Variants in ESRRG observed in about 807,000 individuals in gnomAD.
ESRRG encodes the protein estrogen related receptor gamma.
A neutral mutation model predicts 44.0 loss-of-function variants in ESRRG; 13 were observed. The ratio of observed to expected loss-of-function variants is 0.30; its 90% confidence interval spans 0.19 to 0.47. ESRRG has a LOEUF of 0.47. Ranked by LOEUF, ESRRG falls within the 20% of genes least tolerant of loss-of-function variation. The probability of loss-of-function intolerance (pLI) is 1.00; values close to 1 mark genes in which losing one functional copy is unlikely to be tolerated. For synonymous variants in ESRRG, 215 were observed against 214.6 expected (o/e 1.00, Z -0.02); for missense variants, 395 against 580.6 (o/e 0.68, Z 3.29).
intron 1 of ESRRG, among the ~76,000 whole-genome samples, chr1:216,996,004 TA>T (rs2076329232): frequency 6.6e-6 from 1 of 152,058 alleles, no homozygotes; most frequent in African/African-American, 2.4e-5. Flanking sequence ...GAAAATCAAG[TA>T]ATAACCTTTG....
intron 3 of ESRRG, among the ~76,000 whole-genome samples, chr1:216,619,106 T>G (rs951578079): frequency 6.6e-6 from 1 of 152,252 alleles, no homozygotes; most frequent in African/African-American, 2.4e-5. Context: ...CCTTGTTTAA[T>G]GCATTTACAA....
At position 216,839,275 on chromosome 1, in the gene ESRRG, G is replaced by T. The variant is rs559573403; in HGVS notation, c.-14+100307C>A. ...ATTCAAATTTTATCATGAGATTTCA[G>T]CCATTCAGTTGCATCTTCAGGCTCC... On this transcript the variant is annotated intron_variant, in intron 2 of 7. Transcript: ENST00000359162. 6.6e-5 allele frequency among the ~76,000 whole-genome samples: 10 copies of T among 152,212 alleles called. No individual in the cohort carries two copies. The East Asian group carries it at 1.9e-3, about 29-fold the overall frequency.
chr1:216,784,192 C>G (rs2094038673), intron 2 of ESRRG, among the ~76,000 whole-genome samples: 1 of 151,666 alleles, frequency 6.6e-6, no homozygotes, highest in African/African-American at 2.4e-5. Context: ...TTCCTATATC[C>G]AATGCTTAGT....
At chr1:217,005,928 C>T (rs942053986) in intron 1 of ESRRG, among the ~76,000 whole-genome samples, 7 of 152,050 alleles carry the variant, frequency 4.6e-5, no homozygotes, top group African/African-American at 9.7e-5. Context: ...GATATTTTAT[C>T]CCAACTATGT....
At chr1:216,968,193 T>C (rs1189372695) in intron 1 of ESRRG, among the ~76,000 whole-genome samples, 1 of 152,196 alleles carries the variant, frequency 6.6e-6, no homozygotes, top group African/African-American at 2.4e-5. Context: ...TGGCTTGTTT[T>C]CTCATTCCCT....
intron 1 of ESRRG, among the ~76,000 whole-genome samples, chr1:217,024,557 A>G (rs2080898451): frequency 6.6e-6 from 1 of 152,114 alleles, no homozygotes; most frequent in African/African-American, 2.4e-5. Context: ...AGACATGAGC[A>G]TCATTCAAAA....
At chr1:216,682,449 T>C (rs942070644) in intron 1 of ESRRG, among the ~76,000 whole-genome samples, 5 of 152,158 alleles carry the variant, frequency 3.3e-5, no homozygotes, top group Non-Finnish European at 4.4e-5. Flanking sequence ...TGTTTTTGTA[T>C]AAGGACACAA....
intron 1 of ESRRG, among the ~76,000 whole-genome samples, chr1:217,026,504 C>T (rs1211704484): frequency 6.6e-6 from 1 of 152,126 alleles, no homozygotes; most frequent in Non-Finnish European, 1.5e-5. Flanking sequence ...CAGGTGAGGG[C>T]TCCAGCTTAC....
At chr1:216,629,202 T>C (rs910664121) in intron 3 of ESRRG, among the ~76,000 whole-genome samples, 1 of 152,208 alleles carries the variant, frequency 6.6e-6, no homozygotes, top group Non-Finnish European at 1.5e-5. Context: ...ATGGTCAATA[T>C]ATCTTTGCTA....
intron 3 of ESRRG, among the ~76,000 whole-genome samples, chr1:216,629,011 G>A (rs17671115): frequency 0.17 from 25,468 of 152,042 alleles, 2,386 homozygotes; most frequent in Middle Eastern, 0.27. Flanking sequence ...CACCCTTCAC[G>A]AGTTAATGTC....
chr1:216,928,583 T>C (rs548100787), intron 2 of ESRRG, among the ~76,000 whole-genome samples: 1 of 152,296 alleles, frequency 6.6e-6, no homozygotes, highest in South Asian at 2.1e-4. Flanking sequence ...CTTCCATCTA[T>C]CCTTTCCTTC....
intron 1 of ESRRG, among the ~76,000 whole-genome samples, chr1:216,954,232 A>C (rs2067513385): frequency 6.6e-6 from 1 of 152,120 alleles, no homozygotes; most frequent in Non-Finnish European, 1.5e-5. Flanking sequence ...CCATGGATAA[A>C]AAAATGCTAT....
chr1:217,104,600 G>A (rs1202647221), intron 1 of ESRRG, among the ~76,000 whole-genome samples: 1 of 152,136 alleles, frequency 6.6e-6, no homozygotes, highest in Non-Finnish European at 1.5e-5. Flanking sequence ...GGGTAAATGA[G>A]AGTGAGATAT....
chr1:216,967,433 C>T (rs548287447), intron 1 of ESRRG, among the ~76,000 whole-genome samples: 1 of 152,278 alleles, frequency 6.6e-6, no homozygotes, highest in African/African-American at 2.4e-5. Flanking sequence ...TCTTTTTTTA[C>T]TGTCTCCATA....
chr1:216,974,803 A>C (rs2576207), intron 1 of ESRRG, among the ~76,000 whole-genome samples: 73,909 of 151,250 alleles, frequency 0.49, 19,822 homozygotes, highest in East Asian at 0.73. Flanking sequence ...CCACCCCCAG[A>C]CTTTTCTCTC....
At chr1:216,685,928 G>A (rs2077860945) in intron 1 of ESRRG, among the ~76,000 whole-genome samples, 1 of 152,184 alleles carries the variant, frequency 6.6e-6, no homozygotes, top group African/African-American at 2.4e-5. Context: ...GAATCACAGT[G>A]TTGAGAAAAT....
chr1:216,558,123 C>T (rs1329203590), intron 5 of ESRRG, among the ~76,000 whole-genome samples: 1 of 152,148 alleles, frequency 6.6e-6, no homozygotes, highest in Non-Finnish European at 1.5e-5. Flanking sequence ...TGGCTTGTCT[C>T]TTGAACTAGA....
intron 1 of ESRRG, among the ~76,000 whole-genome samples, chr1:216,941,488 A>G (rs1395699648): frequency 6.6e-6 from 1 of 152,198 alleles, no homozygotes; most frequent in African/African-American, 2.4e-5. Context: ...TTAATGTTAA[A>G]ACAATGGTTT....
At chr1:216,842,297 T>C (rs1421999050) in intron 2 of ESRRG, among the ~76,000 whole-genome samples, 2 of 152,150 alleles carry the variant, frequency 1.3e-5, no homozygotes, top group Non-Finnish European at 2.9e-5. Flanking sequence ...CCCTGGTTCG[T>C]AGTTCAGAAA....
Sources: allele counts gnomAD v4.1 joint callset (sites outside exome capture counted in the v4.1 genomes callset), GRCh38; gene constraint gnomAD v4.1.1; transcripts MANE v1.5; gene names NCBI Gene and HGNC (gene_info 2026-07-23, HGNC 2026-07-21).